The following CNIH3 variants were observed in gnomAD, a reference collection of about 807,000 sequenced individuals.
CNIH3 encodes the protein cornichon family AMPA receptor auxiliary protein 3.
A neutral mutation model predicts 24.1 loss-of-function variants in CNIH3; 14 were observed. That is an observed-to-expected ratio of 0.58 (90% CI 0.38 to 0.91). The LOEUF (loss-of-function observed/expected upper bound fraction) is 0.91, where lower values mean the gene tolerates loss of function less well. Ranked by LOEUF, CNIH3 falls within the 40% of genes least tolerant of loss-of-function variation. The probability of loss-of-function intolerance (pLI) is 0.00; values close to 1 mark genes in which losing one functional copy is unlikely to be tolerated. For missense variants in CNIH3, 178 were observed against 196.8 expected (o/e 0.90, Z 0.57); for synonymous variants, 68 against 73.8 (o/e 0.92, Z 0.40).
chr1:224,695,391 CA>C (rs1369570110), intron 3 of CNIH3, among the ~76,000 whole-genome samples: 3 of 137,082 alleles, frequency 2.2e-5, no homozygotes, highest in Non-Finnish European at 4.7e-5. Flanking sequence ...CACACACACA[CA>C]CACCCCTGTT....
chr1:224,673,303 A>C (rs1685961149), intron 1 of CNIH3, among the ~76,000 whole-genome samples: 1 of 152,134 alleles, frequency 6.6e-6, no homozygotes, highest in African/African-American at 2.4e-5. Context: ...TTCATGCCAC[A>C]CTGTCTATTT....
chr1:224,506,655 G>A (rs1172663932), intron 1 of CNIH3, among the ~76,000 whole-genome samples: 1 of 152,192 alleles, frequency 6.6e-6, no homozygotes, highest in African/African-American at 2.4e-5. Context: ...CAGAAGGGCA[G>A]CCAACAAGCC....
chr1:224,633,686 G>T (rs1236726635), intron 1 of CNIH3, among the ~76,000 whole-genome samples: 2 of 152,162 alleles, frequency 1.3e-5, no homozygotes, highest in African/African-American at 4.8e-5. Context: ...GTATGGCAGG[G>T]TCTCCAGGCA....
intron 4 of CNIH3, chr1:224,575,517 C>T (rs778924382): frequency 2.0e-5 from 10 of 496,360 alleles, no homozygotes; most frequent in Non-Finnish European, 3.3e-5. Context: ...GAGTGGCCAG[C>T]GAGGGTGTGT....
upstream of CNIH3, among the ~76,000 whole-genome samples, chr1:224,613,587 G>A (rs1176764941): frequency 6.6e-6 from 1 of 152,176 alleles, no homozygotes; most frequent in East Asian, 1.9e-4. Context: ...GGCCTGGTGG[G>A]AGGTGTCTGG....
intron 2 of CNIH3, among the ~76,000 whole-genome samples, chr1:224,544,402 C>T (rs980243700): frequency 1.3e-5 from 2 of 152,144 alleles, no homozygotes; most frequent in African/African-American, 2.4e-5. Context: ...ATCTCATGCA[C>T]GCCAACTCAG....
chr1:224,622,018 A>T (rs557349212), intron 1 of CNIH3, among the ~76,000 whole-genome samples: 1 of 152,128 alleles, frequency 6.6e-6, no homozygotes, highest in African/African-American at 2.4e-5. Flanking sequence ...CATGTAAGAC[A>T]TGCCTTTGCT....
chr1:224,677,129 A>C (rs1301077345), intron 1 of CNIH3, among the ~76,000 whole-genome samples: 2 of 152,220 alleles, frequency 1.3e-5, no homozygotes, highest in Admixed American at 1.3e-4. Context: ...AAATGGGACC[A>C]GTAATAGTGA....
intron 1 of CNIH3, among the ~76,000 whole-genome samples, chr1:224,519,816 A>G (rs566827358): frequency 6.6e-6 from 1 of 151,898 alleles, no homozygotes; most frequent in Non-Finnish European, 1.5e-5. Context: ...CACGGTAGCT[A>G]CTAGCCACAT....
intron 4 of CNIH3, among the ~76,000 whole-genome samples, chr1:224,571,912 G>T (rs1206787479): frequency 2.0e-5 from 3 of 152,140 alleles, no homozygotes; most frequent in Non-Finnish European, 4.4e-5. Context: ...TCTAACTGGT[G>T]GGTTTAAAGC....
intron 2 of CNIH3, among the ~76,000 whole-genome samples, chr1:224,521,828 C>G (rs1026312579): frequency 6.6e-6 from 1 of 152,148 alleles, no homozygotes; most frequent in South Asian, 2.1e-4. Flanking sequence ...CATAATAAAT[C>G]TTTCCCTCAT....
chr1:224,494,860 A>T (rs577886626), intron 1 of CNIH3, among the ~76,000 whole-genome samples: 1 of 152,160 alleles, frequency 6.6e-6, no homozygotes, highest in Non-Finnish European at 1.5e-5. Context: ...AGATTATTAC[A>T]CTAAAGTCTC....
chr1:224,640,445 G>A (rs528904750), intron 1 of CNIH3, among the ~76,000 whole-genome samples: 34 of 152,362 alleles, frequency 2.2e-4, no homozygotes, highest in South Asian at 1.9e-3. Context: ...GCTTAGAAAA[G>A]CCCTTTCTTT....
At chr1:224,462,791 C>G (rs1288856640) in intron 1 of CNIH3, among the ~76,000 whole-genome samples, 1 of 151,928 alleles carries the variant, frequency 6.6e-6, no homozygotes. Flanking sequence ...AGGCACGCAC[C>G]ACCACACCTG....
chr1:224,668,874 C>A (rs1396384483), intron 1 of CNIH3, among the ~76,000 whole-genome samples: 2 of 149,906 alleles, frequency 1.3e-5, no homozygotes, highest in African/African-American at 4.9e-5. Flanking sequence ...ATGCGCAGGG[C>A]CAGATGTAGT....
At chr1:224,682,090 C>A (rs1686430169) in intron 2 of CNIH3, among the ~76,000 whole-genome samples, 1 of 152,116 alleles carries the variant, frequency 6.6e-6, no homozygotes, top group African/African-American at 2.4e-5. Flanking sequence ...TAGCTGCAGG[C>A]CTTATGAAGA....
chr1:224,697,569 A>G (rs1687242719), intron 3 of CNIH3, among the ~76,000 whole-genome samples: 1 of 152,206 alleles, frequency 6.6e-6, no homozygotes, highest in Non-Finnish European at 1.5e-5. Context: ...TGGTCAGCCC[A>G]GTGGGATGAC....
chr1:224,490,374 A>T (rs546801580), intron 1 of CNIH3, among the ~76,000 whole-genome samples: 1 of 152,202 alleles, frequency 6.6e-6, no homozygotes. Context: ...AGAATTATAG[A>T]GAGTAATCCT....
intron 1 of CNIH3, among the ~76,000 whole-genome samples, chr1:224,639,249 C>G (rs767942039): frequency 6.6e-6 from 1 of 152,240 alleles, no homozygotes; most frequent in Non-Finnish European, 1.5e-5. Flanking sequence ...TTTTCAAGTA[C>G]AAGAAGCCCC....
Sources: gnomAD v4.1 joint callset for allele counts (sites outside exome capture counted in the v4.1 genomes callset) on GRCh38, gnomAD v4.1.1 for gene constraint, MANE v1.5 for transcripts, NCBI Gene and HGNC (gene_info 2026-07-23, HGNC 2026-07-21) for gene names.